Variants in H2BN1 observed in about 807,000 individuals in gnomAD.
The protein encoded by H2BN1 is histone H2B.N.
At chr17:32,901,983 T>G in the H2BN1 span, among the ~76,000 whole-genome samples, 1 of 152,332 alleles carries the variant, frequency 6.6e-6, no homozygotes, top group South Asian at 2.1e-4. Context: ...TTACACAGAC[T>G]GTTCATAACA....
the H2BN1 span, among the ~76,000 whole-genome samples, chr17:32,899,763 G>C: frequency 6.6e-6 from 1 of 152,054 alleles, no homozygotes; most frequent in Non-Finnish European, 1.5e-5. Context: ...GTTGTCAATA[G>C]CTCAAAGGAA....
chr17:32,902,767 G>A, the H2BN1 span, among the ~76,000 whole-genome samples: 2 of 151,982 alleles, frequency 1.3e-5, no homozygotes, highest in Non-Finnish European at 1.5e-5. Flanking sequence ...GTGAACCTGG[G>A]AGGCGGAGCT....
the H2BN1 span, among the ~76,000 whole-genome samples, chr17:32,896,907 G>A: frequency 1.3e-5 from 2 of 152,190 alleles, no homozygotes; most frequent in Middle Eastern, 3.2e-3. Context: ...AGCCTGTAGG[G>A]CTGGTAGGAC....
chr17:32,898,919 G>A, the H2BN1 span, among the ~76,000 whole-genome samples: 2 of 152,184 alleles, frequency 1.3e-5, no homozygotes, highest in Non-Finnish European at 2.9e-5. Context: ...AGGGTTTTAT[G>A]AAAGCACAGC....
chr17:32,895,907 C>CT, the H2BN1 span, among the ~76,000 whole-genome samples: 8 of 151,836 alleles, frequency 5.3e-5, no homozygotes, highest in South Asian at 4.2e-4. Flanking sequence ...ATTCTTTTTC[C>CT]TTTTTTTTGA....
the H2BN1 span, among the ~76,000 whole-genome samples, chr17:32,901,499 TCAGGAATG>T: frequency 6.6e-6 from 1 of 152,140 alleles, no homozygotes; most frequent in Non-Finnish European, 1.5e-5. Context: ...CCCTGTGACT[TCAGGAATG>T]TAGTTTATTT....
At chr17:32,899,332 C>G in the H2BN1 span, among the ~76,000 whole-genome samples, 377 of 152,294 alleles carry the variant, frequency 2.5e-3, 3 homozygotes, top group African/African-American at 8.8e-3. Context: ...CCATCAAATA[C>G]CTATGAGTTG....
At chr17:32,904,618 CACCCCAAAAGGGGT>C in the H2BN1 span, among the ~76,000 whole-genome samples, 1 of 152,278 alleles carries the variant, frequency 6.6e-6, no homozygotes, top group Non-Finnish European at 1.5e-5. Context: ...GAAAACAGAA[CACCCCAAAAGGGGT>C]GACTAGAACC....
the H2BN1 span, among the ~76,000 whole-genome samples, chr17:32,900,155 G>A: frequency 1.3e-5 from 2 of 152,118 alleles, no homozygotes; most frequent in African/African-American, 2.4e-5. Flanking sequence ...TGTATACTAA[G>A]TCATATCAGA....
the H2BN1 span, among the ~76,000 whole-genome samples, chr17:32,899,869 C>G: frequency 6.8e-6 from 1 of 146,658 alleles, no homozygotes; most frequent in Non-Finnish European, 1.5e-5. Flanking sequence ...TATTAGGTCA[C>G]TATTTATAAA....
the H2BN1 span, among the ~76,000 whole-genome samples, chr17:32,897,151 T>C: frequency 6.6e-6 from 1 of 152,202 alleles, no homozygotes; most frequent in Non-Finnish European, 1.5e-5. Flanking sequence ...AAGCCTTGTT[T>C]GCTGTGGGAA....
At chr17:32,904,252 A>C in the H2BN1 span, among the ~76,000 whole-genome samples, 2 of 152,212 alleles carry the variant, frequency 1.3e-5, no homozygotes, top group African/African-American at 4.8e-5. Context: ...TGAAAACAAC[A>C]GTTCAGTTCC....
chr17:32,898,207 C>T, the H2BN1 span, among the ~76,000 whole-genome samples: 2 of 152,006 alleles, frequency 1.3e-5, no homozygotes, highest in South Asian at 2.1e-4. Flanking sequence ...TGACATGGGT[C>T]CAAGGTGTTA....
the H2BN1 span, among the ~76,000 whole-genome samples, chr17:32,897,382 C>T: frequency 6.6e-6 from 1 of 151,210 alleles, no homozygotes; most frequent in African/African-American, 2.4e-5. Context: ...CACACACACA[C>T]ACACACACAC....
At chr17:32,899,647 A>G in the H2BN1 span, among the ~76,000 whole-genome samples, 1 of 152,246 alleles carries the variant, frequency 6.6e-6, no homozygotes, top group Non-Finnish European at 1.5e-5. Flanking sequence ...TGTATTTTCA[A>G]AAGTTAAGAA....
At chr17:32,904,705 T>G in the H2BN1 span, among the ~76,000 whole-genome samples, 2 of 152,084 alleles carry the variant, frequency 1.3e-5, no homozygotes, top group African/African-American at 4.8e-5. Context: ...TTTTTGGTAC[T>G]GTAGATGGCA....
At chr17:32,903,507 T>C in the H2BN1 span, among the ~76,000 whole-genome samples, 1 of 152,174 alleles carries the variant, frequency 6.6e-6, no homozygotes, top group Non-Finnish European at 1.5e-5. Context: ...ATAAAGTCCT[T>C]TTAAATACAC....
the H2BN1 span, among the ~76,000 whole-genome samples, chr17:32,899,619 T>C: frequency 1.3e-5 from 2 of 152,272 alleles, no homozygotes; most frequent in Non-Finnish European, 2.9e-5. Context: ...AGATTCTTAC[T>C]GTACTTTTGT....
the H2BN1 span, among the ~76,000 whole-genome samples, chr17:32,901,786 ATC>A: frequency 6.6e-6 from 1 of 152,324 alleles, no homozygotes; most frequent in South Asian, 2.1e-4. Context: ...AAAAGTTAAA[ATC>A]TCTTGTAATT....
Sources: allele counts gnomAD v4.1 joint callset (sites outside exome capture counted in the v4.1 genomes callset), GRCh38; gene constraint gnomAD v4.1.1; transcripts MANE v1.5; gene names NCBI Gene and HGNC (gene_info 2026-07-23, HGNC 2026-07-21).